Variants in STIM1 observed in about 807,000 individuals in gnomAD.
The protein encoded by STIM1 is stromal interaction molecule 1.
STIM1 carries 25 observed loss-of-function variants against 74.7 expected under a neutral mutation model. That is an observed-to-expected ratio of 0.33 (90% CI 0.24 to 0.47). The LOEUF (loss-of-function observed/expected upper bound fraction) is 0.47, where lower values mean the gene tolerates loss of function less well. STIM1 is among the 20% of genes least tolerant of loss of function. The pLI is 1.00. For missense variants in STIM1, 728 were observed against 920.8 expected, an observed-to-expected ratio of 0.79 and a Z score of 2.71; for synonymous variants, 328 against 348.8, an observed-to-expected ratio of 0.94 and a Z score of 0.66.
chr11:3,878,459 C>A (rs891842112), intron 1 of STIM1, among the ~76,000 whole-genome samples: 2 of 145,236 alleles, frequency 1.4e-5, no homozygotes, highest in Non-Finnish European at 3.0e-5. Flanking sequence ...TATGAAGTTT[C>A]TTTTTTTTTT....
intron 1 of STIM1, among the ~76,000 whole-genome samples, chr11:3,865,464 C>G (rs918692429): frequency 2.0e-5 from 3 of 152,168 alleles, no homozygotes; most frequent in African/African-American, 7.2e-5. Context: ...CGAAATTGGT[C>G]TGGGTACAAT....
rs892805628 is a variant in STIM1 at position 3,999,386 on chromosome 11, A to G, written c.271-24487A>G. Reference sequence around the variant, plus strand: ...CTTATGGCCATAGTTTTCTGACCCAATATCTGGTGTGTAAGGTGTCTGGTA... The same window carrying G: ...CTTATGGCCATAGTTTTCTGACCCAGTATCTGGTGTGTAAGGTGTCTGGTA... On this transcript the variant is annotated intron_variant, in intron 2 of 12. Transcript: ENST00000526596. Among the ~76,000 whole-genome samples, 4 of 152,308 alleles carry G rather than the reference A, an allele frequency of 2.6e-5. No homozygotes were observed. In the East Asian group the frequency reaches 5.8e-4, roughly 22 times the overall value.
At chr11:3,892,354 A>G (rs2135382386) in intron 1 of STIM1, 1 of 1,194,226 alleles carries the variant, frequency 8.4e-7, no homozygotes, top group East Asian at 2.3e-5. Flanking sequence ...TACAGAAGGA[A>G]TGGTCTGGTG....
At chr11:3,908,559 C>T (rs1406013381) in intron 1 of STIM1, among the ~76,000 whole-genome samples, 1 of 147,466 alleles carries the variant, frequency 6.8e-6, no homozygotes, top group Non-Finnish European at 1.5e-5. Flanking sequence ...TTGCAGTAAG[C>T]TGAGATCGAG....
intron 1 of STIM1, among the ~76,000 whole-genome samples, chr11:3,949,878 A>G (rs2093124342): frequency 1.3e-5 from 2 of 152,126 alleles, no homozygotes; most frequent in South Asian, 2.1e-4. Context: ...GTACTCATCT[A>G]TGTGTATAAA....
rs1237041077 is a variant in STIM1, at chr11:4,004,670, G to C, written c.271-19203G>C. 2.7e-5 allele frequency among the ~76,000 whole-genome samples: 4 copies of C among 150,192 alleles called. No individual in the cohort carries two copies. The East Asian group carries it at 7.7e-4, about 29-fold the overall frequency. On this transcript the variant is annotated intron_variant, in intron 2 of 12. Coordinates refer to ENST00000526596, the MANE Select transcript of STIM1 (RefSeq NM_001382567.1). ...CTAGGCATTACCATTCAGGACATAG[G>C]CATGGGCAAGGACTTCATGTCTAAA...
chr11:3,941,673 T>TATATATATAGAGAGAGAGAGAGAG (rs141623520), intron 1 of STIM1, among the ~76,000 whole-genome samples: 1 of 90,728 alleles, frequency 1.1e-5, no homozygotes, highest in African/African-American at 3.7e-5. Flanking sequence ...TATATATATA[T>TATATATATAGAGAGAGAGAGAGAG]AGAGAGAGAG....
chr11:4,075,708 G>C (rs2094433524), intron 7 of STIM1, among the ~76,000 whole-genome samples: 1 of 151,858 alleles, frequency 6.6e-6, no homozygotes, highest in Non-Finnish European at 1.5e-5. Flanking sequence ...TATGTCTCTT[G>C]GTGGGCATAA....
chr11:3,954,824 T>G (rs1345978580), intron 1 of STIM1, among the ~76,000 whole-genome samples: 1 of 152,200 alleles, frequency 6.6e-6, no homozygotes, highest in Non-Finnish European at 1.5e-5. Context: ...ATGCCTACTT[T>G]AGAAAACAGT....
intron 1 of STIM1, among the ~76,000 whole-genome samples, chr11:3,896,119 C>T (rs186797603): frequency 6.5e-4 from 99 of 151,900 alleles, no homozygotes; most frequent in Admixed American, 1.1e-3. Flanking sequence ...TTAGCCAGGA[C>T]GGTCTTGATC....
chr11:4,029,656 A>G (rs2094031164), intron 3 of STIM1, among the ~76,000 whole-genome samples: 1 of 152,102 alleles, frequency 6.6e-6, no homozygotes, highest in Non-Finnish European at 1.5e-5. Context: ...GTGCCCTGCA[A>G]TGGAATGGCA....
At chr11:4,079,610 C>T (rs2094454849) in intron 7 of STIM1, among the ~76,000 whole-genome samples, 2 of 151,956 alleles carry the variant, frequency 1.3e-5, no homozygotes, top group Admixed American at 6.6e-5. Context: ...ATATCAAACC[C>T]CTTAGATGTT....
chr11:3,884,774 C>G (rs1336329696), intron 1 of STIM1, among the ~76,000 whole-genome samples: 1 of 148,682 alleles, frequency 6.7e-6, no homozygotes, highest in Non-Finnish European at 1.5e-5. Context: ...AGAGCCAGAC[C>G]CCATCTCAAA....
intron 1 of STIM1, chr11:3,888,228 A>G (rs891545927): frequency 6.6e-6 from 1 of 152,190 alleles, no homozygotes; most frequent in Non-Finnish European, 1.5e-5. Context: ...GGTCTCTGCT[A>G]TGAAACTAGA....
At chr11:3,977,360 A>T (rs1026087819) in intron 2 of STIM1, among the ~76,000 whole-genome samples, 1 of 152,204 alleles carries the variant, frequency 6.6e-6, no homozygotes, top group Non-Finnish European at 1.5e-5. Context: ...AAGCTACAAG[A>T]TCTACTTATG....
chr11:3,867,748 G>A (rs894708569), intron 1 of STIM1, among the ~76,000 whole-genome samples: 3 of 152,298 alleles, frequency 2.0e-5, no homozygotes, highest in Non-Finnish European at 1.5e-5. Context: ...GCCCAGTAAG[G>A]GCTTATCTGA....
chr11:4,055,730 T>C, intron 4 of STIM1, 93 bp downstream of exon 4: 4 of 906,862 alleles, frequency 4.4e-6, no homozygotes, highest in Non-Finnish European at 6.8e-6. Context: ...TTAAGTGAGG[T>C]TCTGCCTTTT....
At chr11:3,947,296 G>A (rs2093089162) in intron 1 of STIM1, 1 of 152,136 alleles carries the variant, frequency 6.6e-6, no homozygotes, top group East Asian at 1.9e-4. Context: ...AGGTCATATT[G>A]TAGTTTTCTC....
chr11:3,870,189 A>G (rs1317435750), intron 1 of STIM1, among the ~76,000 whole-genome samples: 5 of 152,240 alleles, frequency 3.3e-5, no homozygotes, highest in Admixed American at 2.6e-4. Context: ...TGATTTGCCT[A>G]AAGTCATACA....
Sources: allele counts gnomAD v4.1 joint callset (sites outside exome capture counted in the v4.1 genomes callset), GRCh38; gene constraint gnomAD v4.1.1; transcripts MANE v1.5; gene names NCBI Gene and HGNC (gene_info 2026-07-23, HGNC 2026-07-21).